SYTL3: variants seen among roughly 807,000 people sequenced by gnomAD.
The protein encoded by SYTL3 is synaptotagmin like 3, also known as synaptotagmin-like protein 3.
In SYTL3, 88 loss-of-function variants were observed where a neutral mutation model predicts 82.1. The observed-to-expected ratio is 1.07, with a 90% confidence interval of 0.90 to 1.28. SYTL3 has a LOEUF of 1.28. SYTL3 is among the 50% of genes most tolerant of loss of function. SYTL3 has a pLI of 0.00. For missense variants in SYTL3, 831 were observed against 757.6 expected, an observed-to-expected ratio of 1.10 and a Z score of -1.14; for synonymous variants, 311 against 289.4, an observed-to-expected ratio of 1.07 and a Z score of -0.76.
chr6:158,749,862 A>C (rs1029573006), intron 12 of SYTL3, among the ~76,000 whole-genome samples: 1 of 152,196 alleles, frequency 6.6e-6, no homozygotes, highest in Non-Finnish European at 1.5e-5. Context: ...GAATAACTCT[A>C]TATCTGTTAA....
intron 2 of SYTL3, among the ~76,000 whole-genome samples, chr6:158,661,062 A>G (rs897800577): frequency 2.0e-5 from 3 of 152,192 alleles, no homozygotes; most frequent in African/African-American, 7.2e-5. Flanking sequence ...CTCAAAATAA[A>G]TAAATGAAAA....
upstream of SYTL3, among the ~76,000 whole-genome samples, chr6:158,645,117 A>C (rs933317291): frequency 6.6e-6 from 1 of 152,186 alleles, no homozygotes; most frequent in Non-Finnish European, 1.5e-5. Flanking sequence ...ACAAACTCGA[A>C]AGTGACTGCT....
intron 6 of SYTL3, among the ~76,000 whole-genome samples, chr6:158,688,847 G>C (rs980833663): frequency 5.3e-5 from 8 of 152,080 alleles, no homozygotes; most frequent in Non-Finnish European, 1.2e-4. Flanking sequence ...TAAGAAATTG[G>C]TATTTTTAGG....
chr6:158,694,941 T>A (rs6455598), intron 6 of SYTL3, among the ~76,000 whole-genome samples: 71,278 of 151,960 alleles, frequency 0.47, 16,987 homozygotes, highest in African/African-American at 0.52. Flanking sequence ...TCACTGTTTT[T>A]GGAATGGAGG....
At chr6:158,727,972 T>G (rs1318552684) in intron 11 of SYTL3, among the ~76,000 whole-genome samples, 1 of 152,222 alleles carries the variant, frequency 6.6e-6, no homozygotes, top group Admixed American at 6.5e-5. Context: ...TTTACTTAGG[T>G]TGGGATTTGG....
intron 11 of SYTL3, among the ~76,000 whole-genome samples, chr6:158,733,967 G>A (rs1045545271): frequency 4.0e-5 from 6 of 151,540 alleles, no homozygotes; most frequent in African/African-American, 7.3e-5. Flanking sequence ...GCGTGATGGC[G>A]GGCGCCTGTA....
At chr6:158,686,923 G>C (rs78912733) in intron 6 of SYTL3, among the ~76,000 whole-genome samples, 4,790 of 152,258 alleles carry the variant, frequency 0.031, 278 homozygotes, top group African/African-American at 0.11. Flanking sequence ...CTAATAGGGA[G>C]GCAACTGCAA....
chr6:158,656,170 C>G (rs1788651336), intron 2 of SYTL3, among the ~76,000 whole-genome samples: 1 of 152,218 alleles, frequency 6.6e-6, no homozygotes, highest in African/African-American at 2.4e-5. Flanking sequence ...TCTGCCGTCT[C>G]TCACCCTAGA....
At chr6:158,736,090 C>A (rs144394453) in intron 11 of SYTL3, among the ~76,000 whole-genome samples, 2 of 152,212 alleles carry the variant, frequency 1.3e-5, no homozygotes, top group African/African-American at 4.8e-5. Flanking sequence ...CGGTGTCTCA[C>A]GCCTGTGATC....
At chr6:158,731,346 A>G (rs1392373355) in intron 11 of SYTL3, among the ~76,000 whole-genome samples, 1 of 152,024 alleles carries the variant, frequency 6.6e-6, no homozygotes, top group African/African-American at 2.4e-5. Flanking sequence ...TAGAATTTCC[A>G]GCACAACAGC....
intron 12 of SYTL3, among the ~76,000 whole-genome samples, chr6:158,749,309 C>T (rs1342560014): frequency 1.4e-5 from 2 of 146,312 alleles, no homozygotes; most frequent in Admixed American, 1.4e-4. Flanking sequence ...GGGAGAATCA[C>T]CTCAGCCCAG....
chr6:158,647,538 T>C (rs1008145351), upstream of SYTL3, among the ~76,000 whole-genome samples: 5 of 152,272 alleles, frequency 3.3e-5, no homozygotes, highest in Admixed American at 6.5e-5. Flanking sequence ...TCTAGGCTTA[T>C]GTGATGTTGT....
chr6:158,684,433 G>A (rs1247653593), intron 6 of SYTL3, among the ~76,000 whole-genome samples: 1 of 152,196 alleles, frequency 6.6e-6, no homozygotes, highest in Admixed American at 6.5e-5. Flanking sequence ...AGAATGATTT[G>A]TGCTTTGATC....
At chr6:158,722,187 G>A (rs1474970167) in intron 10 of SYTL3, among the ~76,000 whole-genome samples, 1 of 151,816 alleles carries the variant, frequency 6.6e-6, no homozygotes, top group Non-Finnish European at 1.5e-5. Flanking sequence ...TTGAGACAGG[G>A]TCTTACTTTG....
intron 7 of SYTL3, 128 bp from the exon 8 acceptor site, chr6:158,708,194 A>T (rs1158692951): frequency 7.0e-6 from 6 of 857,966 alleles, no homozygotes; most frequent in African/African-American, 6.6e-5. Flanking sequence ...TTTTTCCAAA[A>T]AGTGAGGCAG....
At chr6:158,752,819 C>T (rs1459844712) in intron 13 of SYTL3, among the ~76,000 whole-genome samples, 2 of 152,090 alleles carry the variant, frequency 1.3e-5, no homozygotes, top group South Asian at 2.1e-4. Flanking sequence ...AGCTGCCAGC[C>T]AGGGGCCATC....
chr6:158,691,827 A>G (rs973741514), intron 6 of SYTL3, among the ~76,000 whole-genome samples: 20 of 150,446 alleles, frequency 1.3e-4, no homozygotes, highest in African/African-American at 4.1e-4. Context: ...AATTTTTTGT[A>G]TTTTTAGTAG....
chr6:158,750,661 G>T (rs932641799), intron 12 of SYTL3, among the ~76,000 whole-genome samples: 6 of 152,114 alleles, frequency 3.9e-5, no homozygotes, highest in Non-Finnish European at 8.8e-5. Flanking sequence ...GGGACTACAG[G>T]TGCACACCAC....
intron 11 of SYTL3, among the ~76,000 whole-genome samples, chr6:158,732,072 G>A (rs1785482340): frequency 6.6e-6 from 1 of 152,210 alleles, no homozygotes; most frequent in South Asian, 2.1e-4. Flanking sequence ...GTAATCCAGA[G>A]AATAGTAGCT....
Sources: allele counts gnomAD v4.1 joint callset (sites outside exome capture counted in the v4.1 genomes callset), GRCh38; gene constraint gnomAD v4.1.1; transcripts MANE v1.5; gene names NCBI Gene and HGNC (gene_info 2026-07-23, HGNC 2026-07-21).